The following KCNK9 variants were observed in gnomAD, a reference collection of about 807,000 sequenced individuals.
KCNK9 encodes the protein potassium two pore domain channel subfamily K member 9, also known as potassium channel subfamily K member 9.
KCNK9 carries 1 observed loss-of-function variant against 10.8 expected under a neutral mutation model. The ratio of observed to expected loss-of-function variants is 0.09; its 90% confidence interval spans 0.03 to 0.44. The LOEUF (loss-of-function observed/expected upper bound fraction) is 0.44, where lower values mean the gene tolerates loss of function less well. Ranked by LOEUF, KCNK9 falls within the 20% of genes least tolerant of loss-of-function variation. The pLI is 0.97. For synonymous variants in KCNK9, 231 were observed against 222.7 expected (o/e 1.04, Z -0.33); for missense variants, 303 against 515.0 (o/e 0.59, Z 3.98).
chr8:139,607,544 C>A (rs1563710090), intron 2 of KCNK9, among the ~76,000 whole-genome samples: 1 of 152,208 alleles, frequency 6.6e-6, no homozygotes, highest in South Asian at 2.1e-4. Context: ...CCCACCCACA[C>A]CACTGTCCAG....
intron 1 of KCNK9, among the ~76,000 whole-genome samples, chr8:139,629,589 T>C (rs995172522): frequency 6.6e-6 from 1 of 152,004 alleles, no homozygotes; most frequent in African/African-American, 2.4e-5. Context: ...TGGGCTGCCA[T>C]AACAAAATAT....
intron 1 of KCNK9, among the ~76,000 whole-genome samples, chr8:139,647,815 T>C (rs1415585402): frequency 6.6e-6 from 1 of 152,188 alleles, no homozygotes; most frequent in Admixed American, 6.5e-5. Context: ...GTTCCGCCCT[T>C]ACCCCCTCTC....
At chr8:139,607,403 G>A (rs1814256498) in intron 2 of KCNK9, among the ~76,000 whole-genome samples, 1 of 152,226 alleles carries the variant, frequency 6.6e-6, no homozygotes, top group African/African-American at 2.4e-5. Context: ...AGTGGCTGGA[G>A]AAACGGCTGA....
Position 139,654,640 on chromosome 8 carries a change from G to A in KCNK9, c.284-35541C>T, listed in dbSNP as rs566060136. ...ACCTTCTCCAGGAGCCTTTCACGTG[G>A]GTCCCTATGCAGTTCCCTGTGCTAA... On this transcript the variant is annotated intron_variant, in intron 1 of 1. Coordinates refer to ENST00000520439, the MANE Select transcript of KCNK9 (RefSeq NM_001282534.2). Among the ~76,000 whole-genome samples the A allele has an allele frequency of 2.6e-5, 4 of 152,354 alleles. No individual in the cohort carries two copies. In the East Asian group the frequency reaches 7.7e-4, roughly 29 times the overall value.
chr8:139,630,301 G>A (rs1815122606), intron 1 of KCNK9, among the ~76,000 whole-genome samples: 1 of 152,132 alleles, frequency 6.6e-6, no homozygotes, highest in Non-Finnish European at 1.5e-5. Context: ...GGAAGTGGTG[G>A]AGGCGAGGCT....
chr8:139,618,226 A>G lies in KCNK9; in HGVS notation c.*32T>C. The stretch of plus-strand genomic sequence containing the variant: ...TGGAAATTAACACCAACTATGACAA[A>G]TGACTTTTCTGTCCCATTTCCCTCC... On this transcript the variant is annotated 3_prime_UTR_variant, in exon 2 of 2. Coordinates refer to ENST00000520439, the MANE Select transcript of KCNK9 (RefSeq NM_001282534.2). This position sits in a 1 kb window ranked among gnomAD's most constrained non-coding sequence, Gnocchi z 7.9. The G allele has an allele frequency of 6.2e-7, 1 of 1,614,114 alleles. No homozygotes were observed. The highest frequency in any genetic ancestry group is 8.5e-7 in the Non-Finnish European group (1 of 1,179,974).
At chr8:139,668,526 A>G (rs1816353011) in intron 1 of KCNK9, among the ~76,000 whole-genome samples, 1 of 151,338 alleles carries the variant, frequency 6.6e-6, no homozygotes, top group Non-Finnish European at 1.5e-5. Flanking sequence ...GGTTCAAGCG[A>G]TTATCCTGCC....
At chr8:139,651,255 G>A (rs776753655) in intron 1 of KCNK9, among the ~76,000 whole-genome samples, 5 of 152,212 alleles carry the variant, frequency 3.3e-5, no homozygotes, top group Non-Finnish European at 7.3e-5. Flanking sequence ...AGAAACACGA[G>A]CATGTGTCCC....
intron 1 of KCNK9, among the ~76,000 whole-genome samples, chr8:139,700,118 C>A (rs1817168528): frequency 6.6e-6 from 1 of 152,138 alleles, no homozygotes; most frequent in South Asian, 2.1e-4. Context: ...TGGAAAGGTG[C>A]TTTGTTTCCT....
intron 1 of KCNK9, among the ~76,000 whole-genome samples, chr8:139,646,483 C>T (rs1352759165): frequency 6.6e-6 from 1 of 152,240 alleles, no homozygotes; most frequent in African/African-American, 2.4e-5. Context: ...GGGCAAGCCC[C>T]AGGGCTCTAT....
intron 1 of KCNK9, among the ~76,000 whole-genome samples, chr8:139,666,058 A>G (rs1816291412): frequency 6.6e-6 from 1 of 152,250 alleles, no homozygotes; most frequent in Admixed American, 6.5e-5. Context: ...TTGTAAGGGA[A>G]GAACTTGGGT....
chr8:139,683,867 G>A (rs1443800991), intron 1 of KCNK9, among the ~76,000 whole-genome samples: 1 of 152,242 alleles, frequency 6.6e-6, no homozygotes, highest in African/African-American at 2.4e-5. Flanking sequence ...GTGTGGCCAT[G>A]TGGCCCACCC....
chr8:139,657,725 T>A (rs1816055903), intron 1 of KCNK9, among the ~76,000 whole-genome samples: 2 of 152,320 alleles, frequency 1.3e-5, no homozygotes, highest in Non-Finnish European at 2.9e-5. Context: ...CTGCACCGCA[T>A]GGTCACTACT....
chr8:139,669,929 G>A (rs1176434868), intron 1 of KCNK9, among the ~76,000 whole-genome samples: 9 of 152,230 alleles, frequency 5.9e-5, no homozygotes, highest in African/African-American at 2.2e-4. Flanking sequence ...TAGCAGGCAT[G>A]AAAACCTCAT....
chr8:139,639,669 G>A (rs927111548), intron 1 of KCNK9, among the ~76,000 whole-genome samples: 18 of 152,220 alleles, frequency 1.2e-4, no homozygotes, highest in Middle Eastern at 3.2e-3. Context: ...AAGCACATTC[G>A]TGTCAGGACT....
intron 1 of KCNK9, among the ~76,000 whole-genome samples, chr8:139,685,903 T>A (rs1816778094): frequency 6.6e-6 from 1 of 152,216 alleles, no homozygotes; most frequent in Non-Finnish European, 1.5e-5. Context: ...CCACCAACAG[T>A]ATGAAAGTGT....
At chr8:139,663,131 G>C (rs1420202016) in intron 1 of KCNK9, among the ~76,000 whole-genome samples, 3 of 152,086 alleles carry the variant, frequency 2.0e-5, no homozygotes, top group Non-Finnish European at 2.9e-5. Context: ...AAGAGGAAGA[G>C]ACCCACCCAG....
intron 1 of KCNK9, among the ~76,000 whole-genome samples, chr8:139,655,037 G>A (rs1815981894): frequency 1.3e-5 from 2 of 152,158 alleles, no homozygotes; most frequent in Admixed American, 6.5e-5. Context: ...GGGGGCGGGC[G>A]CTGGGGCAGG....
intron 1 of KCNK9, among the ~76,000 whole-genome samples, chr8:139,676,282 A>G (rs1197141733): frequency 2.6e-5 from 4 of 152,244 alleles, no homozygotes; most frequent in African/African-American, 9.6e-5. Flanking sequence ...TGAAGTGTCC[A>G]GTGGTGGATT....
Sources: allele counts gnomAD v4.1 joint callset (sites outside exome capture counted in the v4.1 genomes callset), GRCh38; gene constraint gnomAD v4.1.1; non-coding constraint Gnocchi (gnomAD v3.1); transcripts MANE v1.5; gene names NCBI Gene and HGNC (gene_info 2026-07-23, HGNC 2026-07-21).